GJB7: variants seen among roughly 807,000 people sequenced by gnomAD.
GJB7 encodes the protein gap junction beta-7 protein.
For synonymous variants in GJB7, 87 were observed against 95.2 expected, an observed-to-expected ratio of 0.91 and a Z score of 0.50; for missense variants, 253 against 256.8, an observed-to-expected ratio of 0.99 and a Z score of 0.10.
At chr6:87,325,028 A>G (rs1264174961) in intron 1 of GJB7, among the ~76,000 whole-genome samples, 1 of 152,006 alleles carries the variant, frequency 6.6e-6, no homozygotes, top group Non-Finnish European at 1.5e-5. Flanking sequence ...TTCTCTTTGA[A>G]GCAATTGTGA....
intron 2 of GJB7, among the ~76,000 whole-genome samples, chr6:87,315,795 CAAAAAAAA>C (rs1161194601): frequency 2.8e-5 from 2 of 72,354 alleles, no homozygotes; most frequent in Non-Finnish European, 6.1e-5. Context: ...GACTCTATCT[CAAAAAAAA>C]AAAAAAAAAA....
At chr6:87,301,736 G>A (rs1562211877) in intron 2 of GJB7, among the ~76,000 whole-genome samples, 1 of 152,350 alleles carries the variant, frequency 6.6e-6, no homozygotes, top group East Asian at 1.9e-4. Flanking sequence ...GCTTCCTCAA[G>A]TGGGACCCTG....
chr6:87,320,561 C>A (rs1177046964), intron 2 of GJB7, among the ~76,000 whole-genome samples: 1 of 152,134 alleles, frequency 6.6e-6, no homozygotes, highest in Non-Finnish European at 1.5e-5. Context: ...CTCAGGCAGT[C>A]CTGAGAACAT....
chr6:87,304,587 A>C (rs531215542), intron 2 of GJB7, among the ~76,000 whole-genome samples: 1 of 152,334 alleles, frequency 6.6e-6, no homozygotes, highest in African/African-American at 2.4e-5. Context: ...GCCAAATTCT[A>C]CCAGAGGTAC....
intron 2 of GJB7, among the ~76,000 whole-genome samples, chr6:87,292,470 T>C (rs1441650855): frequency 6.6e-6 from 1 of 152,182 alleles, no homozygotes; most frequent in Non-Finnish European, 1.5e-5. Context: ...ATGTATACTA[T>C]TATAAAAAAA....
chr6:87,302,560 C>T (rs1400140601), intron 2 of GJB7, among the ~76,000 whole-genome samples: 1 of 152,188 alleles, frequency 6.6e-6, no homozygotes, highest in Non-Finnish European at 1.5e-5. Context: ...GATTGGTATA[C>T]CTCAAAGTGA....
In GJB7 at chr6:87,309,850, G is replaced by C. The variant is rs534199230; in HGVS notation, c.-28+13016C>G. ...TTCTTGCTGAAACTTGTGACTACTG[G>C]AGAGGTCAGAGAAGCAGCTTTATGA... On this transcript the variant is annotated intron_variant, in intron 2 of 2. Transcript: ENST00000525899. 6.6e-5 allele frequency among the ~76,000 whole-genome samples: 10 copies of C among 152,194 alleles called. No homozygotes were observed. The East Asian group carries it at 1.7e-3, about 26-fold the overall frequency.
At chr6:87,300,028 C>T (rs1301487792) in intron 2 of GJB7, 1 of 333,816 alleles carries the variant, frequency 3.0e-6, no homozygotes, top group Admixed American at 3.6e-5. Flanking sequence ...TACAGATGCC[C>T]TTAATGCTGT....
At chr6:87,327,151 C>T (rs1314061723) in intron 1 of GJB7, among the ~76,000 whole-genome samples, 2 of 150,934 alleles carry the variant, frequency 1.3e-5, no homozygotes, top group Admixed American at 6.6e-5. Context: ...TATTTTGAGC[C>T]TATGTGTGTC....
intron 2 of GJB7, among the ~76,000 whole-genome samples, chr6:87,305,257 G>GA (rs1776405451): frequency 6.6e-6 from 1 of 152,052 alleles, no homozygotes; most frequent in Non-Finnish European, 1.5e-5. Flanking sequence ...CAGATGACAT[G>GA]ATTGTATATC....
chr6:87,316,773 G>A (rs968361423), intron 2 of GJB7, among the ~76,000 whole-genome samples: 17 of 152,100 alleles, frequency 1.1e-4, no homozygotes, highest in African/African-American at 4.1e-4. Flanking sequence ...TCCTGGACTG[G>A]CCCCATCTGT....
chr6:87,296,307 C>A (rs1010274156), intron 2 of GJB7, among the ~76,000 whole-genome samples: 1 of 152,216 alleles, frequency 6.6e-6, no homozygotes. Flanking sequence ...ACCACTTTCA[C>A]ACATACCCCC....
At chr6:87,315,271 T>C (rs1776564348) in intron 2 of GJB7, among the ~76,000 whole-genome samples, 1 of 152,132 alleles carries the variant, frequency 6.6e-6, no homozygotes, top group African/African-American at 2.4e-5. Flanking sequence ...ATTATGATAA[T>C]GTGACCTTAA....
At chr6:87,305,745 C>G (rs1227909066) in intron 2 of GJB7, among the ~76,000 whole-genome samples, 2 of 152,176 alleles carry the variant, frequency 1.3e-5, no homozygotes, top group Non-Finnish European at 2.9e-5. Flanking sequence ...AAGAACAAAG[C>G]TGGAGGCATC....
chr6:87,295,113 C>CAA (rs113089558), intron 2 of GJB7, among the ~76,000 whole-genome samples: 26 of 137,396 alleles, frequency 1.9e-4, no homozygotes, highest in African/African-American at 6.9e-4. Flanking sequence ...ATTTCCTGGC[C>CAA]AAAAAAAAAA....
At chr6:87,326,566 G>T (rs974134445) in intron 1 of GJB7, among the ~76,000 whole-genome samples, 2 of 150,426 alleles carry the variant, frequency 1.3e-5, no homozygotes, top group African/African-American at 2.5e-5. Flanking sequence ...TTTCCATGTA[G>T]TTGAGTGGTT....
At chr6:87,301,680 G>A (rs922627943) in intron 2 of GJB7, among the ~76,000 whole-genome samples, 1 of 152,234 alleles carries the variant, frequency 6.6e-6, no homozygotes, top group African/African-American at 2.4e-5. Flanking sequence ...TTTGAAGAGA[G>A]TAATCGTTCT....
chr6:87,284,725 AC>A lies in GJB7; in HGVS notation c.187del (p.Val63CysfsTer19). 3.7e-6 allele frequency: 6 copies of A among 1,614,120 alleles called. No homozygotes were observed. The highest frequency in any genetic ancestry group is 5.1e-6 in the Non-Finnish European group (6 of 1,180,020). On this transcript the variant is annotated frameshift_variant, in exon 3 of 3. Transcript: ENST00000525899. LOFTEE classifies it low-confidence loss of function (END_TRUNC). ...CNSRQPGCKN[V>X]CFDDFFPISQ... ...AATGGGGAAGAAGTCATCAAAACAC[AC>A]ATTTTTGCAACCGGGCTGTCTACTG...
chr6:87,298,836 A>G (rs911982012), intron 2 of GJB7: 2 of 377,926 alleles, frequency 5.3e-6, no homozygotes, highest in East Asian at 6.4e-5. Context: ...CCCTTATCTC[A>G]CAGGATTTTG....
Sources: allele counts gnomAD v4.1 joint callset (sites outside exome capture counted in the v4.1 genomes callset), GRCh38; gene constraint gnomAD v4.1.1; transcripts MANE v1.5; gene names NCBI Gene and HGNC (gene_info 2026-07-23, HGNC 2026-07-21).